Variants in MYBL2 observed in about 807,000 individuals in gnomAD.
The protein encoded by MYBL2 is myb-related protein B.
Under a neutral mutation model 79.9 loss-of-function variants are expected in MYBL2, and 28 were observed. The observed-to-expected ratio is 0.35, with a 90% CI of 0.26 to 0.48. The LOEUF (loss-of-function observed/expected upper bound fraction) is 0.48, where lower values mean the gene tolerates loss of function less well. Among genes scored for constraint, MYBL2 ranks in the 20% least tolerant of loss-of-function variants. MYBL2 has a pLI of 0.99. For synonymous variants in MYBL2, 378 were observed against 361.2 expected, an observed-to-expected ratio of 1.05 and a Z score of -0.53; for missense variants, 735 against 893.9, an observed-to-expected ratio of 0.82 and a Z score of 2.27.
intron 1 of MYBL2, among the ~76,000 whole-genome samples, chr20:43,672,127 C>T (rs1439609706): frequency 9.8e-6 from 1 of 102,158 alleles, no homozygotes; most frequent in Non-Finnish European, 2.1e-5. Context: ...AGGAGAATCG[C>T]CTGAACCTGG....
intron 3 of MYBL2, 134 bp downstream of exon 3, chr20:43,681,989 G>A (rs1987155114): frequency 4.7e-6 from 4 of 843,524 alleles, no homozygotes; most frequent in African/African-American, 1.7e-5. Flanking sequence ...AAATAAAACA[G>A]GGCAAATGGA....
chr20:43,698,080 TATC>T (rs1568867766), intron 6 of MYBL2, among the ~76,000 whole-genome samples: 104 of 122,004 alleles, frequency 8.5e-4, no homozygotes, highest in African/African-American at 1.2e-3. Flanking sequence ...TTTTTTTTTT[TATC>T]TTGTTACTGG....
intron 2 of MYBL2, among the ~76,000 whole-genome samples, chr20:43,676,821 TTTG>T (rs1309290761): frequency 1.3e-5 from 2 of 152,154 alleles, no homozygotes; most frequent in African/African-American, 4.8e-5. Flanking sequence ...TGTTTTTTGT[TTTG>T]TTTTGTTTTC....
Position 43,716,228 on chromosome 20 carries a change from G to T in MYBL2, c.*141G>T. The T allele has an allele frequency of 7.5e-7, 1 of 1,335,992 alleles. No homozygotes were observed. The highest frequency in any genetic ancestry group is 1.0e-6 in the Non-Finnish European group (1 of 982,404). The allele number at this position is 1,335,992 out of a possible 1,614,324, so 82.8% of individuals were successfully genotyped here. A position where few individuals can be genotyped will look rare whatever the true frequency, so the allele number is the denominator to read the frequency against. Reference sequence around the variant, plus strand: ...GCCCCTCCCCAGACTCTCAGGTGGAGGCAACAGGGCCATGTGCTGCCCTGT... The same window carrying T: ...GCCCCTCCCCAGACTCTCAGGTGGATGCAACAGGGCCATGTGCTGCCCTGT... On this transcript the variant is annotated 3_prime_UTR_variant, in exon 14 of 14. Transcript: ENST00000217026.
At chr20:43,696,852 G>A (rs1987554594) in intron 6 of MYBL2, among the ~76,000 whole-genome samples, 1 of 152,286 alleles carries the variant, frequency 6.6e-6, no homozygotes, top group Non-Finnish European at 1.5e-5. Context: ...TCAGCCTCCT[G>A]AGTAGCTGGG....
chr20:43,681,636 C>G (rs866970625), intron 2 of MYBL2, 148 bp from the exon 3 acceptor site: 37 of 756,728 alleles, frequency 4.9e-5, no homozygotes, highest in Non-Finnish European at 8.3e-5. Flanking sequence ...CCTGCTGCTG[C>G]AGCTGTAGTG....
At chr20:43,699,320 AC>A (rs1485963942) in intron 6 of MYBL2, among the ~76,000 whole-genome samples, 4 of 152,196 alleles carry the variant, frequency 2.6e-5, no homozygotes, top group African/African-American at 9.7e-5. Context: ...TGTTGGGATT[AC>A]AGGCGTGAGC....
At chr20:43,691,857 T>A (rs919407079) in intron 5 of MYBL2, among the ~76,000 whole-genome samples, 20 of 151,730 alleles carry the variant, frequency 1.3e-4, no homozygotes, top group African/African-American at 3.6e-4. Flanking sequence ...TTTTTTTTTT[T>A]AATTAAAAAA....
Position 43,707,347 on chromosome 20 carries a change from A to G in MYBL2, c.1505+1989A>G, listed in dbSNP as rs550588767. 2.0e-5 allele frequency among the ~76,000 whole-genome samples: 3 copies of G among 152,314 alleles called. No homozygotes were observed. In the South Asian group the frequency reaches 6.2e-4, roughly 32 times the overall value. ...CAGAGATGCTGTCACTACAAAAGGC[A>G]TTGATACTTCTCTCTCTCCCTTTCT... On this transcript the variant is annotated intron_variant, in intron 9 of 13. Transcript: ENST00000217026.
chr20:43,678,348 A>G (rs1987066030), intron 2 of MYBL2, among the ~76,000 whole-genome samples: 2 of 151,236 alleles, frequency 1.3e-5, no homozygotes, highest in South Asian at 2.1e-4. Flanking sequence ...AAAAAAAAAG[A>G]AAGGATACAC....
chr20:43,708,317 C>A (rs548487843), intron 9 of MYBL2, among the ~76,000 whole-genome samples: 2 of 152,068 alleles, frequency 1.3e-5, no homozygotes, highest in African/African-American at 4.8e-5. Context: ...CCAGGCTAGT[C>A]TTGAACTCTG....
chr20:43,698,351 A>ATTTTTTTTT, intron 6 of MYBL2, among the ~76,000 whole-genome samples: 1 of 49,092 alleles, frequency 2.0e-5, no homozygotes, highest in East Asian at 6.3e-4. Context: ...CGCCCCGCAT[A>ATTTTTTTTT]TTTTTTTTTT....
chr20:43,678,331 GAAA>G (rs11470203), intron 2 of MYBL2, among the ~76,000 whole-genome samples: 1 of 142,902 alleles, frequency 7.0e-6, no homozygotes, highest in African/African-American at 2.7e-5. Context: ...AAGAAAGAAA[GAAA>G]AAAAAAAAAA....
chr20:43,675,931 GTCTC>G (rs1225052596), intron 2 of MYBL2, among the ~76,000 whole-genome samples: 1 of 148,394 alleles, frequency 6.7e-6, no homozygotes, highest in Non-Finnish European at 1.5e-5. Flanking sequence ...TTTTAAGGCA[GTCTC>G]TCTCTGTTGC....
At chr20:43,674,752 G>A (rs565443815) in intron 2 of MYBL2, among the ~76,000 whole-genome samples, 8 of 151,518 alleles carry the variant, frequency 5.3e-5, no homozygotes, top group South Asian at 2.1e-4. Flanking sequence ...GGCTAATCTC[G>A]AACTCCTGAC....
At chr20:43,673,542 C>A in intron 1 of MYBL2, 1 of 496,006 alleles carries the variant, frequency 2.0e-6, no homozygotes, top group Non-Finnish European at 3.9e-6. Flanking sequence ...GAGGCTGGGG[C>A]GGGACGATCA....
intron 8 of MYBL2, among the ~76,000 whole-genome samples, chr20:43,704,699 C>A (rs184081565): frequency 6.6e-6 from 1 of 152,270 alleles, no homozygotes; most frequent in East Asian, 1.9e-4. Flanking sequence ...CCTCTCTAAG[C>A]GTTGGTTTTC....
At chr20:43,696,892 A>G (rs1987555737) in intron 6 of MYBL2, among the ~76,000 whole-genome samples, 1 of 152,284 alleles carries the variant, frequency 6.6e-6, no homozygotes, top group Non-Finnish European at 1.5e-5. Context: ...ATGCCCAGCT[A>G]ATTTTTGTAT....
intron 6 of MYBL2, among the ~76,000 whole-genome samples, chr20:43,693,795 A>C (rs1310616236): frequency 2.6e-5 from 4 of 152,178 alleles, no homozygotes; most frequent in Non-Finnish European, 4.4e-5. Flanking sequence ...TAACATCTGT[A>C]ATCCCAGCAC....
Sources: allele counts gnomAD v4.1 joint callset (sites outside exome capture counted in the v4.1 genomes callset), GRCh38; gene constraint gnomAD v4.1.1; transcripts MANE v1.5; gene names NCBI Gene and HGNC (gene_info 2026-07-23, HGNC 2026-07-21).